The following INPP4B variants were observed in gnomAD, a reference collection of about 807,000 sequenced individuals.
INPP4B encodes the protein inositol polyphosphate-4-phosphatase type II B.
In INPP4B, 55 loss-of-function variants were observed where a neutral mutation model predicts 122.5. The observed-to-expected ratio is 0.45, with a 90% CI of 0.36 to 0.56. INPP4B has a LOEUF of 0.56. INPP4B is among the 20% of genes least tolerant of loss of function. The probability of loss-of-function intolerance (pLI) is 0.00; values close to 1 mark genes in which losing one functional copy is unlikely to be tolerated. For missense variants in INPP4B, 1,000 were observed against 1,097.7 expected, an observed-to-expected ratio of 0.91 and a Z score of 1.26; for synonymous variants, 403 against 388.7, an observed-to-expected ratio of 1.04 and a Z score of -0.43.
At chr4:142,767,237 C>T (rs553170004) in intron 1 of INPP4B, among the ~76,000 whole-genome samples, 3 of 152,240 alleles carry the variant, frequency 2.0e-5, no homozygotes, top group South Asian at 4.2e-4. Context: ...GGGGAAAACA[C>T]TTTGGAGCTT....
At chr4:142,807,814 T>C (rs1779042278) in intron 1 of INPP4B, among the ~76,000 whole-genome samples, 1 of 152,150 alleles carries the variant, frequency 6.6e-6, no homozygotes, top group Non-Finnish European at 1.5e-5. Context: ...TAAGAATCAA[T>C]TTAACCTGGC....
At chr4:142,457,964 G>A (rs1159426445) in intron 3 of INPP4B, among the ~76,000 whole-genome samples, 1 of 152,112 alleles carries the variant, frequency 6.6e-6, no homozygotes, top group Non-Finnish European at 1.5e-5. Context: ...ACTTCTAGGT[G>A]TTTAGTCAAG....
intron 25 of INPP4B, among the ~76,000 whole-genome samples, chr4:142,078,852 T>G (rs2152515966): frequency 6.6e-6 from 1 of 152,146 alleles, no homozygotes; most frequent in East Asian, 1.9e-4. Context: ...GGAAGGTGAT[T>G]GGAGTAATTC....
intron 2 of INPP4B, among the ~76,000 whole-genome samples, chr4:142,624,033 G>A (rs913307236): frequency 1.3e-5 from 2 of 151,968 alleles, no homozygotes; most frequent in African/African-American, 4.8e-5. Flanking sequence ...AAACATACGT[G>A]TGCATGTGTC....
At chr4:142,151,986 T>C (rs2152868792) in intron 17 of INPP4B, among the ~76,000 whole-genome samples, 1 of 151,934 alleles carries the variant, frequency 6.6e-6, no homozygotes, top group East Asian at 1.9e-4. Context: ...TCCATCAATC[T>C]AAATTCTTGC....
In INPP4B at chr4:142,656,867, A is replaced by G. The variant is rs368771405; in HGVS notation, c.-191+68972T>C. ...CTATCACTGTTTGTACTCTCTGTAA[A>G]GTTTTGGTTGTGGAAAAGGATTTGT... is the stretch of plus-strand genomic sequence containing the variant. On this transcript the variant is annotated intron_variant, in intron 2 of 25. Transcript: ENST00000262992. Among the ~76,000 whole-genome samples the G allele has an allele frequency of 5.3e-5, 8 of 152,018 alleles. No individual in the cohort carries two copies. In the East Asian group the frequency reaches 1.2e-3, roughly 22 times the overall value.
intron 2 of INPP4B, among the ~76,000 whole-genome samples, chr4:142,624,542 A>C (rs1049046690): frequency 1.3e-5 from 2 of 152,170 alleles, no homozygotes; most frequent in African/African-American, 4.8e-5. Context: ...GCCGAATTCT[A>C]TCAGAGGTAC....
chr4:142,161,055 T>A (rs1819855668), intron 16 of INPP4B, among the ~76,000 whole-genome samples: 1 of 152,040 alleles, frequency 6.6e-6, no homozygotes, highest in Admixed American at 6.6e-5. Flanking sequence ...AGAAGATTTT[T>A]TTTTTAGTGT....
At chr4:142,056,252 C>G (rs1036683267) in intron 25 of INPP4B, among the ~76,000 whole-genome samples, 1 of 151,992 alleles carries the variant, frequency 6.6e-6, no homozygotes, top group Admixed American at 6.6e-5. Flanking sequence ...CTGCTTTAAC[C>G]AAACCAAGAC....
chr4:142,356,827 G>A (rs979135862), intron 7 of INPP4B, among the ~76,000 whole-genome samples: 1 of 151,860 alleles, frequency 6.6e-6, no homozygotes, highest in Non-Finnish European at 1.5e-5. Context: ...ACCAAGGCAT[G>A]GTTACAAGTT....
intron 5 of INPP4B, among the ~76,000 whole-genome samples, chr4:142,406,870 A>G (rs1390735543): frequency 6.6e-6 from 1 of 152,214 alleles, no homozygotes; most frequent in Non-Finnish European, 1.5e-5. Flanking sequence ...GCTTGGAAAC[A>G]TGAAGTGCTC....
intron 9 of INPP4B, among the ~76,000 whole-genome samples, chr4:142,289,822 A>G (rs1463272514): frequency 6.6e-6 from 1 of 152,196 alleles, no homozygotes; most frequent in Non-Finnish European, 1.5e-5. Flanking sequence ...CCCCAAATCT[A>G]GACCAAAACT....
intron 7 of INPP4B, among the ~76,000 whole-genome samples, chr4:142,352,110 G>T (rs546134019): frequency 6.6e-6 from 1 of 151,904 alleles, no homozygotes; most frequent in African/African-American, 2.4e-5. Context: ...TTCTTCCTCT[G>T]GTTGGCCAAA....
At chr4:142,056,320 T>A (rs1409506260) in intron 25 of INPP4B, among the ~76,000 whole-genome samples, 1 of 152,144 alleles carries the variant, frequency 6.6e-6, no homozygotes, top group South Asian at 2.1e-4. Context: ...TTTTCTTTTA[T>A]GTGAGAGAGG....
At chr4:142,170,436 A>G (rs1007708203) in intron 16 of INPP4B, among the ~76,000 whole-genome samples, 3 of 151,672 alleles carry the variant, frequency 2.0e-5, no homozygotes, top group Admixed American at 1.3e-4. Flanking sequence ...AGTCCTATGT[A>G]CAAGCATCCA....
chr4:142,552,610 G>A (rs1728243008), intron 2 of INPP4B, among the ~76,000 whole-genome samples: 1 of 152,080 alleles, frequency 6.6e-6, no homozygotes, highest in African/African-American at 2.4e-5. Flanking sequence ...CAATACCAAG[G>A]ATCAGAGAGA....
chr4:142,381,122 G>A (rs965493867), intron 7 of INPP4B, among the ~76,000 whole-genome samples: 6 of 152,070 alleles, frequency 3.9e-5, no homozygotes, highest in Non-Finnish European at 7.4e-5. Flanking sequence ...TCAAAATTAA[G>A]AGTAACATTG....
Position 142,403,120 on chromosome 4 carries a change from T to C in INPP4B, c.256-66A>G, listed in dbSNP as rs949441182. ...GCAACTGTAGTTGGCAGCACGCAAG[T>C]GACACATGAGAATGCAGAAAGTGTG... On this transcript the variant is annotated intron_variant, in intron 6 of 25. Coordinates refer to ENST00000262992, the MANE Select transcript of INPP4B (RefSeq NM_001101669.3). 10 of 844,794 alleles carry C rather than the reference T, an allele frequency of 1.2e-5. No individual in the cohort carries two copies. In the Admixed American group the frequency reaches 1.6e-4, roughly 13 times the overall value. The allele number at this position is 844,794 out of a possible 1,614,324, so 52.3% of individuals were successfully genotyped here. A position where few individuals can be genotyped will look rare whatever the true frequency, so the allele number is the denominator to read the frequency against.
intron 2 of INPP4B, among the ~76,000 whole-genome samples, chr4:142,720,995 G>A (rs1341013352): frequency 4.0e-5 from 6 of 149,202 alleles, no homozygotes; most frequent in East Asian, 2.0e-4. Context: ...ATGTTCAAGC[G>A]TGTACTTGCA....
Sources: gnomAD v4.1 joint callset for allele counts (sites outside exome capture counted in the v4.1 genomes callset) on GRCh38, gnomAD v4.1.1 for gene constraint, MANE v1.5 for transcripts, NCBI Gene and HGNC (gene_info 2026-07-23, HGNC 2026-07-21) for gene names.